Variants in C10orf143 observed in about 807,000 individuals in gnomAD.
The protein encoded by C10orf143 is uncharacterized protein C10orf143.
intron 3 of C10orf143, among the ~76,000 whole-genome samples, chr10:130,058,580 A>T (rs1224127848): frequency 3.5e-5 from 5 of 144,114 alleles, no homozygotes; most frequent in African/African-American, 5.1e-5. Context: ...TTTAAACAGC[A>T]TTTTTTTTTT....
chr10:130,061,086 G>C (rs528381429), downstream of C10orf143, among the ~76,000 whole-genome samples: 2 of 152,264 alleles, frequency 1.3e-5, no homozygotes, highest in African/African-American at 2.4e-5. Flanking sequence ...GCAGTGAGCC[G>C]TGCTTGCACC....
At chr10:130,050,549 C>T (rs1047488882) in intron 3 of C10orf143, among the ~76,000 whole-genome samples, 6 of 152,132 alleles carry the variant, frequency 3.9e-5, no homozygotes, top group African/African-American at 1.4e-4. Flanking sequence ...ATAAAATAAT[C>T]AGAATCATCT....
chr10:130,071,930 T>G (rs990112112), intron 3 of C10orf143, among the ~76,000 whole-genome samples: 1 of 152,222 alleles, frequency 6.6e-6, no homozygotes. Context: ...GGCCGTCATA[T>G]TCTATATTTT....
At chr10:130,035,329 A>G (rs1205883040) in intron 4 of C10orf143, among the ~76,000 whole-genome samples, 3 of 152,122 alleles carry the variant, frequency 2.0e-5, no homozygotes, top group Non-Finnish European at 2.9e-5. Context: ...AACCAGGCAT[A>G]TTGGATTAGG....
At chr10:130,081,244 T>C (rs1482600197) in intron 1 of C10orf143, among the ~76,000 whole-genome samples, 1 of 152,066 alleles carries the variant, frequency 6.6e-6, no homozygotes, top group African/African-American at 2.4e-5. Flanking sequence ...TTTTTTTTAA[T>C]GCTAAAAGCC....
At chr10:130,036,687 G>A (rs572281954) in intron 3 of C10orf143, among the ~76,000 whole-genome samples, 10 of 152,182 alleles carry the variant, frequency 6.6e-5, no homozygotes, top group Admixed American at 1.3e-4. Flanking sequence ...CTGACTCACT[G>A]TAGAAAGTGT....
At chr10:130,064,442 C>T (rs1241890558) in intron 3 of C10orf143, 59 bp from the exon 4 acceptor site, 2 of 398,136 alleles carry the variant, frequency 5.0e-6, no homozygotes, top group Non-Finnish European at 8.9e-6. Flanking sequence ...ATTAATACAC[C>T]TTGGCTATAT....
intron 3 of C10orf143, among the ~76,000 whole-genome samples, chr10:130,054,929 A>G (rs963637969): frequency 1.3e-5 from 2 of 152,242 alleles, no homozygotes; most frequent in African/African-American, 4.8e-5. Context: ...CTGCTCTTCA[A>G]TAAGGGTGCC....
intron 1 of C10orf143, chr10:130,105,990 C>G: frequency 4.7e-6 from 2 of 423,012 alleles, no homozygotes; most frequent in Admixed American, 3.2e-5. Flanking sequence ...TGCGAGTTCT[C>G]CGCTGCTTGT....
chr10:130,092,699 C>T (rs576305657), intron 1 of C10orf143, among the ~76,000 whole-genome samples: 30 of 152,024 alleles, frequency 2.0e-4, no homozygotes, highest in Admixed American at 1.6e-3. Flanking sequence ...CACACATAGG[C>T]TCAAAATAAA....
In C10orf143 at chr10:130,103,160, T is replaced by C. The variant is rs548489575; in HGVS notation, c.69+7544A>G. 2.6e-5 allele frequency among the ~76,000 whole-genome samples: 4 copies of C among 152,222 alleles called. No homozygotes were observed. In the East Asian group the frequency reaches 7.7e-4, roughly 29 times the overall value. On this transcript the variant is annotated intron_variant, in intron 1 of 3. Coordinates refer to ENST00000637128, the MANE Select transcript of C10orf143 (RefSeq NM_001355042.2). The stretch of plus-strand genomic sequence containing the variant: ...CGCCCAGCTAATTCTGTATTTTTAG[T>C]AGAGACGGGGTTTCTCCATGTTGGT...
At chr10:130,101,752 T>C (rs601002) in intron 1 of C10orf143, among the ~76,000 whole-genome samples, 94,672 of 148,728 alleles carry the variant, frequency 0.64, 30,274 homozygotes, top group Admixed American at 0.72. Flanking sequence ...CCCAGCTACT[T>C]GGGAGGCTGA....
At chr10:130,044,757 T>A (rs1374930424) in intron 3 of C10orf143, among the ~76,000 whole-genome samples, 2 of 152,152 alleles carry the variant, frequency 1.3e-5, no homozygotes, top group African/African-American at 2.4e-5. Context: ...GGACCACTTG[T>A]CAGCCTTGGG....
At chr10:130,049,574 C>A (rs778563192) in intron 3 of C10orf143, among the ~76,000 whole-genome samples, 1 of 152,118 alleles carries the variant, frequency 6.6e-6, no homozygotes, top group Non-Finnish European at 1.5e-5. Flanking sequence ...GCTTGGGGAC[C>A]GGAGCCCCCA....
chr10:130,072,596 A>AT (rs930939561), intron 3 of C10orf143, among the ~76,000 whole-genome samples: 1 of 151,840 alleles, frequency 6.6e-6, no homozygotes, highest in African/African-American at 2.4e-5. Context: ...AAACCTTCCA[A>AT]TTTTTTTTCA....
At chr10:130,045,141 A>C (rs1860652478) in intron 3 of C10orf143, among the ~76,000 whole-genome samples, 1 of 152,220 alleles carries the variant, frequency 6.6e-6, no homozygotes, top group Non-Finnish European at 1.5e-5. Context: ...GACCTGACCC[A>C]GCGTGGGTCT....
At chr10:130,094,586 A>C (rs1156529113) in intron 1 of C10orf143, among the ~76,000 whole-genome samples, 1 of 152,218 alleles carries the variant, frequency 6.6e-6, no homozygotes, top group Non-Finnish European at 1.5e-5. Flanking sequence ...ACAAATCAAT[A>C]AATGTAATCC....
intron 1 of C10orf143, chr10:130,107,725 A>T (rs752684974): frequency 1.6e-6 from 2 of 1,243,594 alleles, no homozygotes. Context: ...CAAGAGGCCC[A>T]GGGAATCCTC....
intron 1 of C10orf143, among the ~76,000 whole-genome samples, chr10:130,088,575 G>A (rs1447595952): frequency 1.3e-5 from 2 of 152,098 alleles, no homozygotes; most frequent in Non-Finnish European, 2.9e-5. Context: ...TATAATGCTG[G>A]GTAATTCAGT....
Sources: allele counts gnomAD v4.1 joint callset (sites outside exome capture counted in the v4.1 genomes callset), GRCh38; gene constraint gnomAD v4.1.1; transcripts MANE v1.5; gene names NCBI Gene and HGNC (gene_info 2026-07-23, HGNC 2026-07-21).